GRK5: variants seen among roughly 807,000 people sequenced by gnomAD.
GRK5 encodes the protein g protein-coupled receptor kinase GRK5.
In GRK5, 40 loss-of-function variants were observed where a neutral mutation model predicts 78.4. The observed-to-expected ratio is 0.51, with a 90% CI of 0.40 to 0.66. The LOEUF (loss-of-function observed/expected upper bound fraction) is 0.66. Ranked by LOEUF, GRK5 falls within the 30% of genes least tolerant of loss-of-function variation. The pLI is 0.00. For synonymous variants in GRK5, 289 were observed against 296.8 expected (o/e 0.97, Z 0.27); for missense variants, 598 against 759.9 (o/e 0.79, Z 2.50).
chr10:119,239,029 C>G (rs924585184), intron 1 of GRK5, among the ~76,000 whole-genome samples: 1 of 151,998 alleles, frequency 6.6e-6, no homozygotes, highest in Non-Finnish European at 1.5e-5. Flanking sequence ...ACATGTGCAA[C>G]CTTCAGAGCC....
Position 119,448,190 on chromosome 10 carries a change from A to G in GRK5, c.1334A>G (p.His445Arg). 6.3e-7 allele frequency: 1 copy of G among 1,590,622 alleles called. No individual in the cohort carries two copies. Among genetic ancestry groups the G allele is most frequent in the Non-Finnish European group, 8.5e-7 (1 of 1,170,362 alleles). Residue 445 changes from histidine (H) to arginine (R), a missense_variant, in exon 13 of 16, where the codon CAC becomes CGC. By Grantham distance (29) the His-to-Arg change is conservative (BLOSUM62 0). Coordinates refer to ENST00000392870, the MANE Select transcript of GRK5 (RefSeq NM_005308.3). ...QEEGAAEVKR[H>R]PFFRNMNFKR... is the part of the protein sequence containing the mutation. ...GAGGGGGCTGCAGAGGTCAAGAGAC[A>G]CCCCTTCTTCAGGAACATGAACTTC... is the stretch of plus-strand genomic sequence containing the variant.
intron 1 of GRK5, among the ~76,000 whole-genome samples, chr10:119,233,890 A>G (rs900749888): frequency 6.6e-6 from 1 of 152,228 alleles, no homozygotes; most frequent in Non-Finnish European, 1.5e-5. Context: ...GCAAAGAAAG[A>G]TTAGGAAACA....
intron 3 of GRK5, among the ~76,000 whole-genome samples, chr10:119,390,209 C>G (rs1234932388): frequency 6.6e-6 from 1 of 152,076 alleles, no homozygotes. Context: ...CTGTATTAGT[C>G]CGTTTTCAGG....
chr10:119,229,550 T>A (rs979616350), intron 1 of GRK5, among the ~76,000 whole-genome samples: 3 of 152,192 alleles, frequency 2.0e-5, no homozygotes, highest in African/African-American at 7.2e-5. Flanking sequence ...ATTCAAGACC[T>A]CCTGGGTGTG....
intron 1 of GRK5, among the ~76,000 whole-genome samples, chr10:119,236,254 C>T (rs896961715): frequency 1.3e-5 from 2 of 151,996 alleles, no homozygotes; most frequent in Non-Finnish European, 2.9e-5. Context: ...CTCGCTGTCT[C>T]TCCCAGGCTG....
At chr10:119,230,399 A>G (rs1010044054) in intron 1 of GRK5, among the ~76,000 whole-genome samples, 1 of 152,188 alleles carries the variant, frequency 6.6e-6, no homozygotes, top group African/African-American at 2.4e-5. Flanking sequence ...ATGGACTTAC[A>G]GTTCTACGTG....
Position 119,431,272 on chromosome 10 carries a change from C to T in GRK5, c.598-115C>T, listed in dbSNP as rs990090461. On this transcript the variant is annotated intron_variant, in intron 7 of 15. Transcript: ENST00000392870. This position sits in a 1 kb window ranked among gnomAD's most constrained non-coding sequence, Gnocchi z 4.8. ...GGAGCACTCATGAAGCCAGGCAGGG[C>T]CGGCTCTGACCCCATCCATTCTCTA... The T allele has an allele frequency of 9.4e-5, 117 of 1,241,598 alleles. No homozygotes were observed. Among genetic ancestry groups the T allele is most frequent in the Admixed American group, 7.6e-4 (30 of 39,496 alleles). The allele number at this position is 1,241,598 out of a possible 1,614,324, so 76.9% of individuals were successfully genotyped here. A position where few individuals can be genotyped will look rare whatever the true frequency, so the allele number is the denominator to read the frequency against.
chr10:119,454,929 T>G (rs772862777), intron 15 of GRK5, 40 bp from the exon 16 acceptor site: 22 of 1,369,874 alleles, frequency 1.6e-5, no homozygotes, highest in Middle Eastern at 2.4e-4. Flanking sequence ...AGGACTGACT[T>G]CTGTTCTCTC....
At chr10:119,332,768 G>A (rs938909956) in intron 2 of GRK5, among the ~76,000 whole-genome samples, 4 of 152,104 alleles carry the variant, frequency 2.6e-5, no homozygotes, top group East Asian at 1.9e-4. Flanking sequence ...AATAACACAC[G>A]CTTGTCTCCA....
chr10:119,258,393 C>T (rs1049285288), intron 1 of GRK5, among the ~76,000 whole-genome samples: 3 of 152,156 alleles, frequency 2.0e-5, no homozygotes, highest in African/African-American at 4.8e-5. Context: ...TAAGCATTCA[C>T]GAACAGTTTT....
At chr10:119,368,007 A>G (rs1006805547) in intron 2 of GRK5, among the ~76,000 whole-genome samples, 1 of 152,178 alleles carries the variant, frequency 6.6e-6, no homozygotes, top group Non-Finnish European at 1.5e-5. Context: ...GGAAGCTGCT[A>G]TTTGCCTTGG....
intron 1 of GRK5, among the ~76,000 whole-genome samples, chr10:119,240,001 T>C (rs956206586): frequency 2.0e-5 from 3 of 152,122 alleles, no homozygotes; most frequent in African/African-American, 7.2e-5. Flanking sequence ...GTCTTTATAG[T>C]AGAATAATTT....
chr10:119,259,546 T>C (rs1849339567), intron 1 of GRK5, among the ~76,000 whole-genome samples: 1 of 152,204 alleles, frequency 6.6e-6, no homozygotes, highest in African/African-American at 2.4e-5. Context: ...GAGCCCTCAA[T>C]TTAAGTCATC....
At chr10:119,306,408 C>T in intron 1 of GRK5, among the ~76,000 whole-genome samples, 1 of 152,164 alleles carries the variant, frequency 6.6e-6, no homozygotes, top group East Asian at 1.9e-4. Flanking sequence ...TGCGCTTCTT[C>T]TAGGATTTTC....
At chr10:119,400,685 G>A (rs1383821128) in intron 4 of GRK5, among the ~76,000 whole-genome samples, 1 of 152,166 alleles carries the variant, frequency 6.6e-6, no homozygotes, top group Non-Finnish European at 1.5e-5. Context: ...GCAGTGTGGA[G>A]TTGCCAGTGC....
rs185704556 is a variant in GRK5, at chr10:119,321,277, C to T, written c.53-5239C>T. ...GGGGATCCCCTGCTGAGAACATCCT[C>T]GTATTAGCTTCCTGTTGCTGCTGTA... is the stretch of plus-strand genomic sequence containing the variant. On this transcript the variant is annotated intron_variant, in intron 1 of 15. Coordinates refer to ENST00000392870, the MANE Select transcript of GRK5 (RefSeq NM_005308.3). Among the ~76,000 whole-genome samples the T allele has an allele frequency of 1.5e-3, 221 of 152,310 alleles. 1 individual carries two copies. The highest frequency in any genetic ancestry group is 5.1e-3 in the African/African-American group (211 of 41,566).
At chr10:119,434,231 C>T (rs1387279221) in intron 8 of GRK5, among the ~76,000 whole-genome samples, 1 of 152,152 alleles carries the variant, frequency 6.6e-6, no homozygotes, top group Non-Finnish European at 1.5e-5. Context: ...CTGCCCCTGG[C>T]CCCTCCCAAA....
intron 1 of GRK5, among the ~76,000 whole-genome samples, chr10:119,246,461 C>T (rs963132467): frequency 2.6e-5 from 4 of 152,032 alleles, no homozygotes; most frequent in Admixed American, 2.6e-4. Flanking sequence ...ATGTGTATAC[C>T]AAATCATGTA....
intron 1 of GRK5, among the ~76,000 whole-genome samples, chr10:119,321,828 T>C (rs1850590860): frequency 6.6e-6 from 1 of 152,166 alleles, no homozygotes; most frequent in African/African-American, 2.4e-5. Flanking sequence ...ACCCTCGGCT[T>C]GGGGCTGCCT....
Sources: gnomAD v4.1 joint callset for allele counts (sites outside exome capture counted in the v4.1 genomes callset) on GRCh38, gnomAD v4.1.1 for gene constraint, Gnocchi (gnomAD v3.1) non-coding constraint, MANE v1.5 for transcripts, NCBI Gene and HGNC (gene_info 2026-07-23, HGNC 2026-07-21) for gene names.